The following GALNT17 variants were observed in gnomAD, a reference collection of about 807,000 sequenced individuals.
The protein encoded by GALNT17 is polypeptide N-acetylgalactosaminyltransferase 17, also known as UDP-GalNAc:polypeptide N-acetylgalactosaminyltransferase-like 3.
A neutral mutation model predicts 63.7 loss-of-function variants in GALNT17; 29 were observed. The observed-to-expected ratio is 0.46, with a 90% CI of 0.34 to 0.62. GALNT17 has a LOEUF of 0.62. Ranked by LOEUF, GALNT17 falls within the 20% of genes least tolerant of loss-of-function variation. The pLI is 0.01. For missense variants in GALNT17, 603 were observed against 799.6 expected, an observed-to-expected ratio of 0.75 and a Z score of 2.97; for synonymous variants, 305 against 318.3, an observed-to-expected ratio of 0.96 and a Z score of 0.45.
chr7:71,370,757 CA>C (rs1792606864), intron 2 of GALNT17, among the ~76,000 whole-genome samples: 1 of 151,892 alleles, frequency 6.6e-6, no homozygotes, highest in African/African-American at 2.4e-5. Flanking sequence ...TGTGAGCCAC[CA>C]CCGCGCCTGG....
chr7:71,712,222 G>A lies in GALNT17; in HGVS notation c.*76G>A. ...CCCCAACATCTGGACCAGCTGCCCT[G>A]GCGGAGAGACAGCAAGGGGCCGGCA... On this transcript the variant is annotated 3_prime_UTR_variant, in exon 11 of 11. Transcript: ENST00000333538. 6.4e-7 allele frequency: 1 copy of A among 1,554,914 alleles called. No individual in the cohort carries two copies. The highest frequency in any genetic ancestry group is 8.7e-7 in the Non-Finnish European group (1 of 1,152,578).
At chr7:71,281,204 A>G (rs1209791942) in intron 1 of GALNT17, among the ~76,000 whole-genome samples, 5 of 152,170 alleles carry the variant, frequency 3.3e-5, no homozygotes, top group Non-Finnish European at 5.9e-5. Flanking sequence ...GCAACTCCAG[A>G]CACCAACTCT....
At chr7:71,231,607 A>T (rs150510704) in intron 1 of GALNT17, among the ~76,000 whole-genome samples, 1 of 151,978 alleles carries the variant, frequency 6.6e-6, no homozygotes, top group African/African-American at 2.4e-5. Context: ...GCATGGTCAG[A>T]TACTGGTGAG....
chr7:71,531,259 A>T (rs1788716440), intron 5 of GALNT17, among the ~76,000 whole-genome samples: 1 of 152,180 alleles, frequency 6.6e-6, no homozygotes, highest in Admixed American at 6.6e-5. Context: ...AAAGCAAAAA[A>T]AAAGTATTTA....
intron 2 of GALNT17, among the ~76,000 whole-genome samples, chr7:71,343,621 G>A (rs551270622): frequency 1.1e-4 from 17 of 152,080 alleles, no homozygotes; most frequent in South Asian, 8.3e-4. Context: ...GCTTTAAAGT[G>A]TAAAAAGATA....
At chr7:71,683,970 C>T (rs1187794672) in intron 9 of GALNT17, among the ~76,000 whole-genome samples, 1 of 144,588 alleles carries the variant, frequency 6.9e-6, no homozygotes, top group Non-Finnish European at 1.5e-5. Flanking sequence ...GACCATGCCA[C>T]TGCACTCCAG....
intron 2 of GALNT17, among the ~76,000 whole-genome samples, chr7:71,382,114 T>C (rs939513046): frequency 1.1e-4 from 16 of 152,008 alleles, no homozygotes; most frequent in Non-Finnish European, 7.4e-5. Flanking sequence ...GCGTGGTGGC[T>C]CACGCCTGTA....
At chr7:71,427,378 G>A (rs1289381135) in intron 5 of GALNT17, among the ~76,000 whole-genome samples, 3 of 151,958 alleles carry the variant, frequency 2.0e-5, no homozygotes, top group Non-Finnish European at 4.4e-5. Flanking sequence ...TTACAGGTGT[G>A]AGCCACCACC....
At chr7:71,270,687 C>A (rs192645432) in intron 1 of GALNT17, among the ~76,000 whole-genome samples, 1 of 151,912 alleles carries the variant, frequency 6.6e-6, no homozygotes, top group Non-Finnish European at 1.5e-5. Flanking sequence ...TCTTCTGCCT[C>A]TTTCAGCAAA....
intron 5 of GALNT17, among the ~76,000 whole-genome samples, chr7:71,557,066 T>TC (rs1357609258): frequency 1.3e-5 from 2 of 151,408 alleles, no homozygotes; most frequent in African/African-American, 4.9e-5. Flanking sequence ...TTTTTTTTTT[T>TC]TTTTTGGGGA....
At chr7:71,619,751 G>A (rs1213955493) in intron 6 of GALNT17, among the ~76,000 whole-genome samples, 1 of 152,092 alleles carries the variant, frequency 6.6e-6, no homozygotes, top group Non-Finnish European at 1.5e-5. Flanking sequence ...GAGATCATTG[G>A]ATCTTTTTTT....
rs1350543132 is a variant in GALNT17 at position 71,259,630 on chromosome 7, TG to T, written c.239-75919del. 6.9e-3 allele frequency among the ~76,000 whole-genome samples: 968 copies of T among 140,360 alleles called. 15 individuals carry two copies. The highest frequency in any genetic ancestry group is 0.026 in the African/African-American group (923 of 35,998). The allele number at this position is 140,360 out of a possible 152,430, so 92.1% of individuals were successfully genotyped here. A position where few individuals can be genotyped will look rare whatever the true frequency, so the allele number is the denominator to read the frequency against. ...AGACCAACAGATCTTGGTCCTGTTT[TG>T]TTTTTTGTTTTTTTGTTTTTTTTTT... On this transcript the variant is annotated intron_variant, in intron 1 of 10. Coordinates refer to ENST00000333538, the MANE Select transcript of GALNT17 (RefSeq NM_022479.3).
chr7:71,672,446 A>G (rs1416762591), intron 8 of GALNT17, among the ~76,000 whole-genome samples: 1 of 152,252 alleles, frequency 6.6e-6, no homozygotes, highest in Admixed American at 6.5e-5. Flanking sequence ...ATAAATATTA[A>G]AATAATCTGT....
At chr7:71,506,610 A>G (rs549909332) in intron 5 of GALNT17, among the ~76,000 whole-genome samples, 3 of 152,218 alleles carry the variant, frequency 2.0e-5, no homozygotes, top group Non-Finnish European at 4.4e-5. Context: ...GTTTTAATTA[A>G]CAAATAATAA....
At chr7:71,236,476 C>T (rs1029838355) in intron 1 of GALNT17, among the ~76,000 whole-genome samples, 2 of 152,192 alleles carry the variant, frequency 1.3e-5, no homozygotes, top group Non-Finnish European at 2.9e-5. Context: ...TTCTCCAGGG[C>T]TCTGCAAACT....
At chr7:71,374,642 A>G (rs1792686815) in intron 2 of GALNT17, among the ~76,000 whole-genome samples, 1 of 152,154 alleles carries the variant, frequency 6.6e-6, no homozygotes, top group African/African-American at 2.4e-5. Context: ...GAGACGTGGA[A>G]GGTGAAGGAT....
At chr7:71,195,255 G>T (rs929616954) in intron 1 of GALNT17, among the ~76,000 whole-genome samples, 12 of 152,080 alleles carry the variant, frequency 7.9e-5, no homozygotes, top group Admixed American at 7.9e-4. Flanking sequence ...TCTCTCTGTT[G>T]CCCACGCTGG....
At position 71,140,541 on chromosome 7, in the gene GALNT17, G is replaced by C. The variant is rs545987920; in HGVS notation, c.238+7501G>C. Among the ~76,000 whole-genome samples the C allele has an allele frequency of 3.4e-3, 513 of 152,284 alleles. 2 individuals are homozygous for C. Among genetic ancestry groups the C allele is most frequent in the African/African-American group, 0.012 (485 of 41,560 alleles). On this transcript the variant is annotated intron_variant, in intron 1 of 10. Transcript: ENST00000333538. ...AGGAGAGGCAGCCAGTGTCATTCTT[G>C]CTGAAGAAACCCAACCCCCCTGACC...
intron 1 of GALNT17, among the ~76,000 whole-genome samples, chr7:71,315,830 A>C (rs980433826): frequency 6.6e-6 from 1 of 152,094 alleles, no homozygotes; most frequent in Non-Finnish European, 1.5e-5. Flanking sequence ...TCTGACCATC[A>C]AGGGCACTTT....
Sources: allele counts gnomAD v4.1 joint callset (sites outside exome capture counted in the v4.1 genomes callset), GRCh38; gene constraint gnomAD v4.1.1; transcripts MANE v1.5; gene names NCBI Gene and HGNC (gene_info 2026-07-23, HGNC 2026-07-21).